The following ARAP2 variants were observed in gnomAD, a reference collection of about 807,000 sequenced individuals.
ARAP2 encodes ArfGAP with RhoGAP domain, ankyrin repeat and PH domain 2, also known as arf-GAP with Rho-GAP domain, ANK repeat and PH domain-containing protein 2.
In ARAP2, 148 loss-of-function variants were observed where a neutral mutation model predicts 194.5. That is an observed-to-expected ratio of 0.76 (90% CI 0.67 to 0.87). ARAP2 has a LOEUF of 0.87. Ranked by LOEUF, ARAP2 falls within the 40% of genes least tolerant of loss-of-function variation. ARAP2 has a pLI of 0.00. For synonymous variants in ARAP2, 695 were observed against 683.5 expected (o/e 1.02, Z -0.26); for missense variants, 2,128 against 1,989.7 (o/e 1.07, Z -1.32).
At chr4:36,202,414 G>A (rs1397432061) in intron 6 of ARAP2, among the ~76,000 whole-genome samples, 1 of 151,534 alleles carries the variant, frequency 6.6e-6, no homozygotes. Context: ...ATGAGCTGGG[G>A]CCAAAAAACG....
chr4:36,162,298 C>T (rs1029794663), intron 11 of ARAP2, among the ~76,000 whole-genome samples: 1 of 152,078 alleles, frequency 6.6e-6, no homozygotes, highest in African/African-American at 2.4e-5. Flanking sequence ...TTTACTGTTA[C>T]AAAAACTTGA....
chr4:36,244,218 CGGCGCTGGGAAGCT>C lies in ARAP2; in HGVS notation c.-213_-200del, dbSNP rs1196205969. 2.0e-5 allele frequency: 3 copies of C among 152,028 alleles called. No individual in the cohort carries two copies. Among genetic ancestry groups the C allele is most frequent in the African/African-American group, 7.2e-5 (3 of 41,392 alleles). 9.4% of individuals were successfully genotyped at this position (152,028 alleles called of 1,614,324 possible). On this transcript the variant is annotated 5_prime_UTR_variant, in exon 1 of 33. Transcript: ENST00000303965. Reference sequence around the variant, plus strand: ...GCGGAGTTCGAAAAGCGAGGTGAGGCGGCGCTGGGAAGCTCAGCGCCGGCGTCTCTCCCAGCCTT... The same window carrying C: ...GCGGAGTTCGAAAAGCGAGGTGAGGCCAGCGCCGGCGTCTCTCCCAGCCTT...
intron 5 of ARAP2, among the ~76,000 whole-genome samples, chr4:36,043,529 C>T (rs1174624876): frequency 6.6e-6 from 1 of 152,010 alleles, no homozygotes; most frequent in East Asian, 1.9e-4. Context: ...AAATTTATAA[C>T]AAGAATGCAC....
chr4:36,183,780 G>A (rs572986323), intron 8 of ARAP2, among the ~76,000 whole-genome samples: 16 of 152,282 alleles, frequency 1.1e-4, no homozygotes, highest in East Asian at 1.9e-4. Flanking sequence ...GAAATTAGCC[G>A]GGGAGGGATA....
In ARAP2 at chr4:36,210,735, T is replaced by C; in HGVS notation, c.1142A>G (p.Asp381Gly). The C allele has an allele frequency of 2.5e-6, 4 of 1,586,932 alleles. No individual in the cohort carries two copies. Among genetic ancestry groups the C allele is most frequent in the South Asian group, 2.3e-5 (2 of 86,320 alleles). ...CTCGCTTATTTTCTCCTTTCTGTTA[T>C]CGTATATGCTAAACGGAAAAATGAT... ...NSFIIKSSIY[D>G]NRKEKISEDK... is the part of the protein sequence containing the mutation. The change falls in exon 6 of 33, where the codon GAT (aspartate) becomes GGT (glycine). Residue 381 changes from aspartate (D) to glycine (G), a missense_variant. Asp to Gly is a moderately conservative substitution (Grantham distance 94, BLOSUM62 -1). Coordinates refer to ENST00000303965, the MANE Select transcript of ARAP2 (RefSeq NM_015230.4).
At chr4:36,220,431 C>T (rs886534456) in intron 2 of ARAP2, among the ~76,000 whole-genome samples, 5 of 152,072 alleles carry the variant, frequency 3.3e-5, no homozygotes, top group African/African-American at 1.2e-4. Context: ...CACTGCACTG[C>T]CAGTCATATA....
At chr4:36,099,052 T>TCC (rs1716117625) in intron 27 of ARAP2, among the ~76,000 whole-genome samples, 2 of 144,206 alleles carry the variant, frequency 1.4e-5, no homozygotes. Context: ...CCCCCTACCC[T>TCC]CCCCTCCCCA....
At chr4:36,108,241 AC>A (rs1470187595) in intron 26 of ARAP2, among the ~76,000 whole-genome samples, 4 of 152,016 alleles carry the variant, frequency 2.6e-5, no homozygotes, top group African/African-American at 7.2e-5. Flanking sequence ...GTTTAGGGAA[AC>A]CTTCTTATTT....
intron 5 of ARAP2, 127 bp from the exon 6 acceptor site, chr4:36,210,870 T>C (rs554642423): frequency 2.3e-5 from 16 of 696,578 alleles, no homozygotes; most frequent in Admixed American, 6.8e-5. Context: ...GAGTTTCCAT[T>C]AACCCTATTG....
intron 27 of ARAP2, among the ~76,000 whole-genome samples, chr4:36,107,110 T>C (rs1249190266): frequency 6.6e-6 from 1 of 151,964 alleles, no homozygotes; most frequent in Non-Finnish European, 1.5e-5. Context: ...TTACTGGAAG[T>C]ATTTTATTTT....
intron 11 of ARAP2, among the ~76,000 whole-genome samples, chr4:36,163,330 TAGAG>T (rs1404288971): frequency 6.6e-6 from 1 of 152,074 alleles, no homozygotes; most frequent in Admixed American, 6.5e-5. Flanking sequence ...ATGGATGTCA[TAGAG>T]AGACATGTTG....
chr4:36,093,368 T>TA (rs1393457692), intron 27 of ARAP2, among the ~76,000 whole-genome samples: 4 of 151,998 alleles, frequency 2.6e-5, no homozygotes, highest in Non-Finnish European at 4.4e-5. Flanking sequence ...TTATTTTTTT[T>TA]AAAAAAAGAA....
intron 19 of ARAP2, among the ~76,000 whole-genome samples, chr4:36,139,169 C>T (rs1727604362): frequency 6.6e-6 from 1 of 151,462 alleles, no homozygotes; most frequent in South Asian, 2.1e-4. Context: ...AATTCCAATA[C>T]TTGTGATTTT....
At chr4:36,218,157 A>G (rs1019681915) in intron 2 of ARAP2, among the ~76,000 whole-genome samples, 2 of 152,160 alleles carry the variant, frequency 1.3e-5, no homozygotes, top group African/African-American at 4.8e-5. Context: ...AACCCACTTA[A>G]AGAGACCCAG....
chr4:36,029,326 A>T (rs1431699643), intron 5 of ARAP2, among the ~76,000 whole-genome samples: 1 of 151,970 alleles, frequency 6.6e-6, no homozygotes, highest in Non-Finnish European at 1.5e-5. Context: ...ATCATCGTAC[A>T]TTTTGGCCTA....
At chr4:36,060,933 T>C (rs1724316167) in intron 1 of ARAP2, among the ~76,000 whole-genome samples, 1 of 152,192 alleles carries the variant, frequency 6.6e-6, no homozygotes, top group African/African-American at 2.4e-5. Context: ...TCTAGGGTAC[T>C]GGGAATTAGG....
chr4:36,045,097 G>T (rs1721584591), intron 5 of ARAP2, among the ~76,000 whole-genome samples: 1 of 152,122 alleles, frequency 6.6e-6, no homozygotes, highest in Non-Finnish European at 1.5e-5. Context: ...AGGTAGGTAT[G>T]GAAATTAATA....
chr4:36,180,839 C>G (rs1312439565), intron 8 of ARAP2, among the ~76,000 whole-genome samples: 1 of 152,160 alleles, frequency 6.6e-6, no homozygotes. Context: ...AGTAAACAGT[C>G]ACGAAGAAGA....
chr4:36,088,238 T>C (rs954094218), intron 28 of ARAP2, among the ~76,000 whole-genome samples: 2 of 152,078 alleles, frequency 1.3e-5, no homozygotes, highest in Non-Finnish European at 2.9e-5. Flanking sequence ...ATATTATGTA[T>C]ATGCAAGGAC....
Sources: allele counts gnomAD v4.1 joint callset (sites outside exome capture counted in the v4.1 genomes callset), GRCh38; gene constraint gnomAD v4.1.1; transcripts MANE v1.5; gene names NCBI Gene and HGNC (gene_info 2026-07-23, HGNC 2026-07-21).